Variants in ARHGEF28 observed in about 807,000 individuals in gnomAD.
The protein encoded by ARHGEF28 is 190 kDa guanine nucleotide exchange factor.
ARHGEF28 carries 152 observed loss-of-function variants against 206.6 expected under a neutral mutation model. The observed-to-expected ratio is 0.74, with a 90% CI of 0.64 to 0.84. The LOEUF is 0.84. Ranked by LOEUF, ARHGEF28 falls within the 40% of genes least tolerant of loss-of-function variation. The pLI is 0.00. For missense variants in ARHGEF28, 2,028 were observed against 2,073.2 expected (o/e 0.98, Z 0.42); for synonymous variants, 763 against 776.4 (o/e 0.98, Z 0.29).
At chr5:73,862,297 T>C (rs1188156815) in intron 16 of ARHGEF28, among the ~76,000 whole-genome samples, 1 of 152,208 alleles carries the variant, frequency 6.6e-6, no homozygotes, top group African/African-American at 2.4e-5. Context: ...TTGCATTTAG[T>C]TTTACTTTGT....
chr5:73,773,095 T>C (rs1753313981), intron 4 of ARHGEF28, among the ~76,000 whole-genome samples: 1 of 152,204 alleles, frequency 6.6e-6, no homozygotes, highest in African/African-American at 2.4e-5. Flanking sequence ...CCTCAAATGC[T>C]AAATGGCTTT....
chr5:73,639,849 A>C (rs1208442879), intron 1 of ARHGEF28, among the ~76,000 whole-genome samples: 1 of 152,190 alleles, frequency 6.6e-6, no homozygotes, highest in Non-Finnish European at 1.5e-5. Flanking sequence ...ATGCTTTTTC[A>C]CATTTGTGCT....
rs545614584 is a variant in ARHGEF28, at chr5:73,702,946, T to C, written c.33+18062T>C. ...CATCTGAATGTGTTTGGATCCTGAG[T>C]TGAGATAGCAAGAGTTTATATGGTG... On this transcript the variant is annotated intron_variant, in intron 2 of 35. Coordinates refer to ENST00000513042, the MANE Select transcript of ARHGEF28 (RefSeq NM_001177693.2). Among the ~76,000 whole-genome samples the C allele has an allele frequency of 1.5e-4, 23 of 152,304 alleles. No individual in the cohort carries two copies. The South Asian group carries it at 4.1e-3, about 27-fold the overall frequency.
intron 7 of ARHGEF28, among the ~76,000 whole-genome samples, chr5:73,784,280 C>T (rs1391488890): frequency 3.3e-5 from 5 of 152,102 alleles, no homozygotes; most frequent in Admixed American, 6.6e-5. Flanking sequence ...AATTAAAAGA[C>T]TATAATAATT....
At chr5:73,696,136 G>A (rs1293187110) in intron 2 of ARHGEF28, among the ~76,000 whole-genome samples, 1 of 152,162 alleles carries the variant, frequency 6.6e-6, no homozygotes, top group African/African-American at 2.4e-5. Flanking sequence ...AAACGTTTGT[G>A]GATTGAGTTT....
chr5:73,773,440 A>C (rs1020486449), intron 4 of ARHGEF28, among the ~76,000 whole-genome samples: 2 of 152,198 alleles, frequency 1.3e-5, no homozygotes, highest in African/African-American at 4.8e-5. Context: ...GTCCCTCTAC[A>C]GTCTCAGCCT....
chr5:73,784,196 T>C (rs1410927244), intron 7 of ARHGEF28, among the ~76,000 whole-genome samples: 1 of 151,912 alleles, frequency 6.6e-6, no homozygotes, highest in Non-Finnish European at 1.5e-5. Flanking sequence ...TCTTAGTAGA[T>C]TATGCTTTTC....
intron 4 of ARHGEF28, among the ~76,000 whole-genome samples, chr5:73,766,582 A>G (rs981845247): frequency 6.6e-6 from 1 of 152,246 alleles, no homozygotes; most frequent in African/African-American, 2.4e-5. Context: ...CTGGCTTTGC[A>G]TTGGAATCAC....
At chr5:73,850,538 T>A (rs1758636145) in intron 13 of ARHGEF28, among the ~76,000 whole-genome samples, 1 of 152,134 alleles carries the variant, frequency 6.6e-6, no homozygotes, top group African/African-American at 2.4e-5. Flanking sequence ...AGCTGATGAA[T>A]TAACCTCACA....
At chr5:73,738,772 A>T (rs1023372641) in intron 2 of ARHGEF28, among the ~76,000 whole-genome samples, 2 of 152,166 alleles carry the variant, frequency 1.3e-5, no homozygotes, top group African/African-American at 4.8e-5. Flanking sequence ...TATTCCTGAT[A>T]GTCTTCATTT....
chr5:73,927,469 C>T (rs184201064), intron 35 of ARHGEF28, among the ~76,000 whole-genome samples: 208 of 152,276 alleles, frequency 1.4e-3, no homozygotes, highest in African/African-American at 4.8e-3. Flanking sequence ...CATTTGTATG[C>T]ACTAAACAAT....
At chr5:73,689,580 G>T (rs1444001175) in intron 2 of ARHGEF28, among the ~76,000 whole-genome samples, 1 of 152,164 alleles carries the variant, frequency 6.6e-6, no homozygotes, top group Non-Finnish European at 1.5e-5. Flanking sequence ...ACACTACTAA[G>T]ATCAGAGAAG....
chr5:73,936,441 G>T (rs756416288), intron 35 of ARHGEF28, among the ~76,000 whole-genome samples: 2 of 152,112 alleles, frequency 1.3e-5, no homozygotes, highest in African/African-American at 4.8e-5. Context: ...TCATACCTGC[G>T]TCAGATAATG....
intron 1 of ARHGEF28, among the ~76,000 whole-genome samples, chr5:73,654,574 C>G (rs1266511976): frequency 1.3e-5 from 2 of 152,172 alleles, no homozygotes; most frequent in Non-Finnish European, 2.9e-5. Flanking sequence ...AACACGGAAC[C>G]AGAAATCTGG....
At position 73,691,253 on chromosome 5, in the gene ARHGEF28, T is replaced by C. The variant is rs545998591; in HGVS notation, c.33+6369T>C. On this transcript the variant is annotated intron_variant, in intron 2 of 35. Transcript: ENST00000513042. ...TGAAATTCTCCTTTTTAGAGAACTT[T>C]ATTAGTATTTTGGTAAACACTAAAA... Among the ~76,000 whole-genome samples, 14 of 152,262 alleles carry C rather than the reference T, an allele frequency of 9.2e-5. No individual in the cohort carries two copies. The East Asian group carries it at 2.7e-3, about 29-fold the overall frequency.
intron 2 of ARHGEF28, among the ~76,000 whole-genome samples, chr5:73,732,514 A>G (rs76917305): frequency 6.6e-6 from 1 of 152,328 alleles, no homozygotes; most frequent in East Asian, 1.9e-4. Flanking sequence ...AGTTTTGGCA[A>G]TTCTGAATAG....
At chr5:73,829,700 G>C (rs898826159) in intron 9 of ARHGEF28, among the ~76,000 whole-genome samples, 3 of 151,910 alleles carry the variant, frequency 2.0e-5, no homozygotes, top group Admixed American at 2.0e-4. Context: ...CTTTTGACAG[G>C]AATAATATTG....
chr5:73,874,649 A>G (rs916142126), intron 22 of ARHGEF28, among the ~76,000 whole-genome samples: 7 of 143,460 alleles, frequency 4.9e-5, no homozygotes, highest in African/African-American at 1.5e-4. Flanking sequence ...ATTCCCATCT[A>G]TGAGTGAGAA....
chr5:73,818,350 G>A (rs146010597), intron 9 of ARHGEF28, among the ~76,000 whole-genome samples: 2 of 150,046 alleles, frequency 1.3e-5, no homozygotes, highest in Non-Finnish European at 3.0e-5. Flanking sequence ...GATTTTTAAA[G>A]GTGAGATACT....
Sources: gnomAD v4.1 joint callset for allele counts (sites outside exome capture counted in the v4.1 genomes callset) on GRCh38, gnomAD v4.1.1 for gene constraint, MANE v1.5 for transcripts, NCBI Gene and HGNC (gene_info 2026-07-23, HGNC 2026-07-21) for gene names.